Variants in CDH22 observed in about 807,000 individuals in gnomAD.
CDH22 encodes the protein cadherin-22.
A neutral mutation model predicts 58.4 loss-of-function variants in CDH22; 30 were observed. The observed-to-expected ratio is 0.51, with a 90% CI of 0.38 to 0.70. The LOEUF (loss-of-function observed/expected upper bound fraction) is 0.70. Among genes scored for constraint, CDH22 ranks in the 30% least tolerant of loss-of-function variants. The pLI, the probability that CDH22 is intolerant of heterozygous loss-of-function variation, is 0.00. For missense variants in CDH22, 1,014 were observed against 1,233.9 expected (o/e 0.82, Z 2.67); for synonymous variants, 513 against 558.2 (o/e 0.92, Z 1.14).
chr20:46,177,860 G>A (rs1176418946), intron 11 of CDH22, 86 bp downstream of exon 11: 2 of 1,507,430 alleles, frequency 1.3e-6, no homozygotes, highest in South Asian at 2.5e-5. Flanking sequence ...GGAAGCTGAG[G>A]CCCCATGGGG....
chr20:46,299,862 A>G (rs2086643300), intron 1 of CDH22, among the ~76,000 whole-genome samples: 1 of 152,208 alleles, frequency 6.6e-6, no homozygotes, highest in Non-Finnish European at 1.5e-5. Flanking sequence ...AGTTCTCTCA[A>G]CAGCACACAG....
rs919308867 is a variant in CDH22 at position 46,199,305 on chromosome 20, C to T, written c.1423+118G>A. ...CCATCCCCAACCTTTGGCCCCTCCC[C>T]CGTGGGCTTTGACTGACAGGGCTGC... On this transcript the variant is annotated intron_variant, in intron 8 of 11. Transcript: ENST00000537909. 2.0e-5 allele frequency: 25 copies of T among 1,240,936 alleles called. No individual in the cohort carries two copies. The African/African-American group carries it at 3.4e-4, about 17-fold the overall frequency. 76.9% of individuals were successfully genotyped at this position (1,240,936 alleles called of 1,614,324 possible).
chr20:46,175,654 T>C (rs376344767), intron 11 of CDH22, among the ~76,000 whole-genome samples: 1 of 152,218 alleles, frequency 6.6e-6, no homozygotes, highest in East Asian at 1.9e-4. Context: ...ACGGGGCTCC[T>C]TCCTCTATCA....
intron 10 of CDH22, among the ~76,000 whole-genome samples, chr20:46,183,007 G>C (rs1489533109): frequency 6.7e-6 from 1 of 150,082 alleles, no homozygotes; most frequent in East Asian, 1.9e-4. Context: ...TGGCAGCTCT[G>C]GTGCCCCCCC....
chr20:46,283,067 A>G (rs887191962), intron 1 of CDH22, among the ~76,000 whole-genome samples: 3 of 152,026 alleles, frequency 2.0e-5, no homozygotes, highest in Admixed American at 2.0e-4. Flanking sequence ...TTGCTTCCAC[A>G]TCCTTTCATT....
chr20:46,305,662 T>G (rs151005417), intron 1 of CDH22, among the ~76,000 whole-genome samples: 28 of 152,286 alleles, frequency 1.8e-4, no homozygotes, highest in African/African-American at 6.5e-4. Context: ...GAGGCTGCAT[T>G]TCAGATTGGA....
chr20:46,298,658 G>A (rs1205566245), intron 1 of CDH22, among the ~76,000 whole-genome samples: 1 of 152,008 alleles, frequency 6.6e-6, no homozygotes, highest in African/African-American at 2.4e-5. Flanking sequence ...ATGGATGGAT[G>A]GATGGGTGGG....
intron 1 of CDH22, among the ~76,000 whole-genome samples, chr20:46,281,631 A>C (rs926103853): frequency 3.5e-4 from 53 of 152,230 alleles, no homozygotes; most frequent in African/African-American, 1.3e-3. Context: ...GACCCATGTA[A>C]GCCCTCCAAC....
intron 1 of CDH22, among the ~76,000 whole-genome samples, chr20:46,285,013 TG>T (rs1364016155): frequency 6.6e-6 from 1 of 152,174 alleles, no homozygotes; most frequent in Non-Finnish European, 1.5e-5. Flanking sequence ...ACCTGACCAC[TG>T]TACCCAGTGC....
chr20:46,275,674 T>A (rs1004060768), intron 1 of CDH22, among the ~76,000 whole-genome samples: 1 of 152,120 alleles, frequency 6.6e-6, no homozygotes, highest in Non-Finnish European at 1.5e-5. Context: ...AATAAGTGAT[T>A]CAACAAACGT....
intron 10 of CDH22, among the ~76,000 whole-genome samples, chr20:46,185,942 G>C (rs1397573485): frequency 6.6e-6 from 1 of 151,576 alleles, no homozygotes; most frequent in African/African-American, 2.4e-5. Flanking sequence ...GCTGGGCACA[G>C]TGGCTCATGC....
chr20:46,196,167 C>A (rs1980541844), intron 8 of CDH22, among the ~76,000 whole-genome samples: 1 of 152,166 alleles, frequency 6.6e-6, no homozygotes, highest in Admixed American at 6.5e-5. Flanking sequence ...GATCTTGGGG[C>A]CATCCCTGTT....
At chr20:46,293,296 A>C (rs905078204) in intron 1 of CDH22, among the ~76,000 whole-genome samples, 2 of 152,180 alleles carry the variant, frequency 1.3e-5, no homozygotes, top group African/African-American at 4.8e-5. Flanking sequence ...AAATGCTTTT[A>C]TCCTCCATGA....
chr20:46,195,388 G>A (rs115247333), intron 8 of CDH22, among the ~76,000 whole-genome samples: 231 of 152,320 alleles, frequency 1.5e-3, no homozygotes, highest in African/African-American at 5.3e-3. Context: ...ATCATAACAC[G>A]TGCTCTGTGG....
chr20:46,292,846 C>T (rs1287619306), intron 1 of CDH22, among the ~76,000 whole-genome samples: 1 of 151,998 alleles, frequency 6.6e-6, no homozygotes, highest in Non-Finnish European at 1.5e-5. Context: ...CTTTCTGATT[C>T]CTGCAGGCAG....
At chr20:46,254,206 C>CA (rs762219732) in intron 1 of CDH22, among the ~76,000 whole-genome samples, 1 of 152,120 alleles carries the variant, frequency 6.6e-6, no homozygotes, top group East Asian at 1.9e-4. Flanking sequence ...AAATGTTTAC[C>CA]AGCACCTCTC....
chr20:46,244,093 C>T (rs1244470541), intron 2 of CDH22, among the ~76,000 whole-genome samples: 1 of 152,170 alleles, frequency 6.6e-6, no homozygotes, highest in African/African-American at 2.4e-5. Context: ...TTTACATTGA[C>T]CTAAGCACTC....
intron 1 of CDH22, among the ~76,000 whole-genome samples, chr20:46,263,107 G>A (rs1044328143): frequency 1.3e-5 from 2 of 152,190 alleles, no homozygotes; most frequent in African/African-American, 4.8e-5. Flanking sequence ...CTGGCTGTGG[G>A]TGCTTCATTC....
chr20:46,192,082 C>T (rs1033286503), intron 8 of CDH22, among the ~76,000 whole-genome samples: 1 of 152,194 alleles, frequency 6.6e-6, no homozygotes, highest in Non-Finnish European at 1.5e-5. Context: ...CCTTATTCCT[C>T]TTTGTAGCAT....
Sources: allele counts gnomAD v4.1 joint callset (sites outside exome capture counted in the v4.1 genomes callset), GRCh38; gene constraint gnomAD v4.1.1; transcripts MANE v1.5; gene names NCBI Gene and HGNC (gene_info 2026-07-23, HGNC 2026-07-21).